The following NEDD4L variants were observed in gnomAD, a reference collection of about 807,000 sequenced individuals.
NEDD4L encodes the protein E3 ubiquitin-protein ligase NEDD4-like.
A neutral mutation model predicts 148.9 loss-of-function variants in NEDD4L; 54 were observed. The observed-to-expected ratio is 0.36, with a 90% confidence interval of 0.29 to 0.45. NEDD4L has a LOEUF of 0.45. Among genes scored for constraint, NEDD4L ranks in the 20% least tolerant of loss-of-function variants. The probability of loss-of-function intolerance (pLI) is 1.00; values close to 1 mark genes in which losing one functional copy is unlikely to be tolerated. For missense variants in NEDD4L, 856 were observed against 1,233.8 expected (o/e 0.69, Z 4.59); for synonymous variants, 433 against 440.7 (o/e 0.98, Z 0.22).
At chr18:58,230,014 A>G (rs1323202511) in intron 2 of NEDD4L, among the ~76,000 whole-genome samples, 1 of 152,082 alleles carries the variant, frequency 6.6e-6, no homozygotes, top group Non-Finnish European at 1.5e-5. Flanking sequence ...ACAAACAAAA[A>G]AGGAAAGCTT....
chr18:58,400,023 G>C lies in NEDD4L; in HGVS notation c.*3754G>C, dbSNP rs1186247964. ...TCTGAAATTTAAAAACGTATAAAGA[G>C]AGCCTGGGTTAATCAGTTCTGCAGC... On this transcript the variant is annotated 3_prime_UTR_variant, in exon 31 of 31. Transcript: ENST00000400345. 6.6e-6 allele frequency: 1 copy of C among 152,252 alleles called. No homozygotes were observed. Among genetic ancestry groups the C allele is most frequent in the Non-Finnish European group, 1.5e-5 (1 of 68,100 alleles). The allele number at this position is 152,252 out of a possible 1,614,324, so 9.4% of individuals were successfully genotyped here.
At chr18:58,258,775 A>G (rs540199223) in intron 5 of NEDD4L, among the ~76,000 whole-genome samples, 3 of 152,360 alleles carry the variant, frequency 2.0e-5, no homozygotes, top group Admixed American at 2.0e-4. Context: ...TTTAAAAAAC[A>G]AAACCAAAAG....
chr18:58,240,566 TCTC>T (rs1844700761), intron 2 of NEDD4L, among the ~76,000 whole-genome samples: 1 of 152,128 alleles, frequency 6.6e-6, no homozygotes, highest in Non-Finnish European at 1.5e-5. Context: ...ATGGATTCCC[TCTC>T]CTCCTGACCC....
intron 5 of NEDD4L, among the ~76,000 whole-genome samples, chr18:58,269,082 A>G (rs2050659349): frequency 6.6e-6 from 1 of 151,970 alleles, no homozygotes; most frequent in African/African-American, 2.4e-5. Flanking sequence ...CATATGTTCC[A>G]ATCTTCTGTC....
intron 19 of NEDD4L, among the ~76,000 whole-genome samples, chr18:58,361,483 C>T (rs2045475672): frequency 6.6e-6 from 1 of 152,328 alleles, no homozygotes; most frequent in Non-Finnish European, 1.5e-5. Context: ...AACTCACAGT[C>T]GTCCCCTCAG....
Position 58,361,079 on chromosome 18 carries a change from A to C in NEDD4L, c.1768-3189A>C, listed in dbSNP as rs191695257. On this transcript the variant is annotated intron_variant, in intron 19 of 30. Coordinates refer to ENST00000400345, the MANE Select transcript of NEDD4L (RefSeq NM_001144967.3). ...CTTTCCAGATGTTAGGTTTTAAACA[A>C]TGACTGTTCTTTCTCCATCATGTAG... 2.0e-5 allele frequency among the ~76,000 whole-genome samples: 3 copies of C among 152,296 alleles called. No individual in the cohort carries two copies. In the East Asian group the frequency reaches 5.8e-4, roughly 29 times the overall value.
chr18:58,345,130 T>A (rs1225342165), intron 16 of NEDD4L, among the ~76,000 whole-genome samples: 1 of 152,256 alleles, frequency 6.6e-6, no homozygotes, highest in African/African-American at 2.4e-5. Flanking sequence ...TGATTTAAAA[T>A]CATAATCTGT....
chr18:58,173,088 T>C (rs2037700401), intron 2 of NEDD4L, among the ~76,000 whole-genome samples: 1 of 152,224 alleles, frequency 6.6e-6, no homozygotes, highest in Admixed American at 6.5e-5. Flanking sequence ...AAACTTAGGA[T>C]AGCTGTTCAA....
At chr18:58,255,330 A>T in intron 5 of NEDD4L, 1 of 244,822 alleles carries the variant, frequency 4.1e-6, no homozygotes, top group Non-Finnish European at 7.3e-6. Context: ...AAAAAAAAAA[A>T]GAGCGAGTAG....
At position 58,261,542 on chromosome 18, in the gene NEDD4L, C is replaced by T. The variant is rs1025002135; in HGVS notation, c.297+9488C>T. On this transcript the variant is annotated intron_variant, in intron 5 of 30. Transcript: ENST00000400345. ...TGCTTCTCTTGGCTAAGCCTGGTGG[C>T]AGAATTCCTAGTCATTGAAATAAAT... Among the ~76,000 whole-genome samples, 6 of 152,160 alleles carry T rather than the reference C, an allele frequency of 3.9e-5. 1 individual carries two copies. In the South Asian group the frequency reaches 1.2e-3, roughly 32 times the overall value.
chr18:58,157,039 AT>A (rs1358519305), intron 1 of NEDD4L, among the ~76,000 whole-genome samples: 5 of 148,138 alleles, frequency 3.4e-5, no homozygotes, highest in Non-Finnish European at 6.0e-5. Flanking sequence ...AAAAAAAAAA[AT>A]AGCTGGGTAT....
Position 58,400,013 on chromosome 18 carries a change from C to T in NEDD4L, c.*3744C>T, listed in dbSNP as rs997747280. 6 of 152,178 alleles carry T rather than the reference C, an allele frequency of 3.9e-5. No individual in the cohort carries two copies. The highest frequency in any genetic ancestry group is 2.1e-4 in the South Asian group (1 of 4,826). 9.4% of individuals were successfully genotyped at this position (152,178 alleles called of 1,614,324 possible). A position where few individuals can be genotyped will look rare whatever the true frequency, so the allele number is the denominator to read the frequency against. On this transcript the variant is annotated 3_prime_UTR_variant, in exon 31 of 31. Coordinates refer to ENST00000400345, the MANE Select transcript of NEDD4L (RefSeq NM_001144967.3). ...TGTACTCACCTCTGAAATTTAAAAA[C>T]GTATAAAGAGAGCCTGGGTTAATCA...
At chr18:58,086,377 G>T (rs2083759724) in intron 1 of NEDD4L, among the ~76,000 whole-genome samples, 1 of 152,206 alleles carries the variant, frequency 6.6e-6, no homozygotes, top group South Asian at 2.1e-4. Flanking sequence ...CAGGGTGGGG[G>T]CTCTGGATGT....
chr18:58,143,142 T>C (rs1473553746), intron 1 of NEDD4L, among the ~76,000 whole-genome samples: 2 of 152,240 alleles, frequency 1.3e-5, no homozygotes, highest in Non-Finnish European at 2.9e-5. Flanking sequence ...TATGCATCAC[T>C]TGAGCCCCCT....
At chr18:58,223,526 G>T (rs2044002942) in intron 2 of NEDD4L, among the ~76,000 whole-genome samples, 1 of 152,068 alleles carries the variant, frequency 6.6e-6, no homozygotes, top group South Asian at 2.1e-4. Flanking sequence ...TGGGAGGGTT[G>T]TTTGGGATTT....
chr18:58,291,141 C>T (rs2054675000), intron 5 of NEDD4L, among the ~76,000 whole-genome samples: 1 of 149,290 alleles, frequency 6.7e-6, no homozygotes, highest in Non-Finnish European at 1.5e-5. Context: ...CACAGAGAAC[C>T]AGGCCGACCA....
chr18:58,066,328 G>A (rs1047384988), intron 1 of NEDD4L, among the ~76,000 whole-genome samples: 1 of 149,152 alleles, frequency 6.7e-6, no homozygotes, highest in Non-Finnish European at 1.5e-5. Context: ...GAATGCTGAG[G>A]CTTGTTTGGG....
chr18:58,234,513 A>C (rs974005578), intron 2 of NEDD4L, among the ~76,000 whole-genome samples: 1 of 151,648 alleles, frequency 6.6e-6, no homozygotes. Context: ...AAAAAAAAAA[A>C]TCGTAGAGAT....
rs8084442 is a variant in NEDD4L at position 58,066,553 on chromosome 18, C to T, written c.48+21845C>T. On this transcript the variant is annotated intron_variant, in intron 1 of 30. Transcript: ENST00000400345. ...CAGGCTGGTCTTGAACGCCTGACCT[C>T]GTGTTCCACTCACCTTGGCCTCCCA... Among the ~76,000 whole-genome samples, 488 of 152,116 alleles carry T rather than the reference C, an allele frequency of 3.2e-3. 2 individuals carry two copies. Among genetic ancestry groups the T allele is most frequent in the African/African-American group, 0.011 (466 of 41,520 alleles).
Sources: gnomAD v4.1 joint callset for allele counts (sites outside exome capture counted in the v4.1 genomes callset) on GRCh38, gnomAD v4.1.1 for gene constraint, MANE v1.5 for transcripts, NCBI Gene and HGNC (gene_info 2026-07-23, HGNC 2026-07-21) for gene names.